Variants in CLCA2 observed in about 807,000 individuals in gnomAD.
CLCA2 encodes the protein calcium-activated chloride channel regulator 2.
In CLCA2, 85 loss-of-function variants were observed where a neutral mutation model predicts 82.9. That is an observed-to-expected ratio of 1.03 (90% CI 0.86 to 1.23). CLCA2 has a LOEUF of 1.23. Among genes scored for constraint, CLCA2 ranks in the 50% most tolerant of loss-of-function variants. The pLI, the probability that CLCA2 is intolerant of heterozygous loss-of-function variation, is 0.00. For missense variants in CLCA2, 1,089 were observed against 1,124.8 expected (o/e 0.97, Z 0.45); for synonymous variants, 421 against 391.7 (o/e 1.07, Z -0.88).
In CLCA2 at chr1:86,453,409, A is replaced by C. The variant is rs377707246; in HGVS notation, c.2196A>C (p.Arg732Ser). 4.3e-6 allele frequency: 7 copies of C among 1,614,012 alleles called. No individual in the cohort carries two copies. In the African/African-American group the frequency reaches 9.3e-5, roughly 22 times the overall value. Reference sequence around the variant, plus strand: ...ATGCTCCAAGGAAATCAGTAGGCAGAAATGAGGAGGAGCGAAAGTGGGGCT... The same window carrying C: ...ATGCTCCAAGGAAATCAGTAGGCAGCAATGAGGAGGAGCGAAAGTGGGGCT... ...QMNAPRKSVG[R>S]NEEERKWGFS... Residue 732 changes from arginine to serine, a missense_variant, in exon 13 of 14, where the codon AGA becomes AGC. Physicochemically the swap from Arg to Ser is moderately radical, Grantham distance 110 (BLOSUM62 -1). Transcript: ENST00000370565.
intron 10 of CLCA2, chr1:86,445,396 G>C (rs1168391757): frequency 9.4e-6 from 1 of 106,204 alleles, no homozygotes; most frequent in East Asian, 2.6e-4. Flanking sequence ...TAGAAGATTC[G>C]CATTTATTCC....
chr1:86,444,758 G>A (rs1662811667), intron 10 of CLCA2, among the ~76,000 whole-genome samples: 2 of 152,098 alleles, frequency 1.3e-5, no homozygotes, highest in African/African-American at 4.8e-5. Context: ...AGTGAACAGG[G>A]GCTTGAATCC....
intron 2 of CLCA2, among the ~76,000 whole-genome samples, chr1:86,427,888 T>G (rs190323156): frequency 6.6e-6 from 1 of 152,288 alleles, no homozygotes; most frequent in Admixed American, 6.5e-5. Flanking sequence ...CTGATCTAAT[T>G]GGTTACAGGA....
chr1:86,446,548 AAAAAAC>A (rs1483342153), intron 10 of CLCA2, among the ~76,000 whole-genome samples: 1 of 152,202 alleles, frequency 6.6e-6, no homozygotes, highest in Non-Finnish European at 1.5e-5. Flanking sequence ...GTTATGATTC[AAAAAAC>A]AAAAACAAAA....
At chr1:86,437,605 G>T (rs1237504025) in intron 6 of CLCA2, among the ~76,000 whole-genome samples, 1 of 152,156 alleles carries the variant, frequency 6.6e-6, no homozygotes, top group Non-Finnish European at 1.5e-5. Context: ...TCAAGGGAAG[G>T]GCATTCATTT....
At chr1:86,432,633 TG>T in intron 5 of CLCA2, 105 bp downstream of exon 5, 1 of 1,308,952 alleles carries the variant, frequency 7.6e-7, no homozygotes, top group Non-Finnish European at 1.0e-6. Flanking sequence ...CTTTAGAACT[TG>T]GGGGACCCTA....
Position 86,453,453 on chromosome 1 carries a change from G to C in CLCA2, c.2240G>C (p.Gly747Ala). ...TGGGGCTTTAGCCGAGTCAGCTCAG[G>C]AGGCTCCTTTTCAGTGCTGGGAGTT... is the stretch of plus-strand genomic sequence containing the variant. ...RKWGFSRVSS[G>A]GSFSVLGVPA... The change falls in exon 13 of 14, where the codon GGA becomes GCA. Residue 747 changes from glycine to alanine, a missense_variant. Physicochemically the swap from Gly to Ala is moderately conservative, Grantham distance 60. Coordinates refer to ENST00000370565, the MANE Select transcript of CLCA2 (RefSeq NM_006536.7). 3 of 1,614,160 alleles carry C rather than the reference G, an allele frequency of 1.9e-6. No individual in the cohort carries two copies. Among genetic ancestry groups the C allele is most frequent in the Non-Finnish European group, 2.5e-6 (3 of 1,180,024 alleles).
chr1:86,455,379 T>A lies in CLCA2; in HGVS notation c.2684T>A (p.Val895Glu). 1.2e-6 allele frequency: 2 copies of A among 1,611,040 alleles called. No individual in the cohort carries two copies. Among genetic ancestry groups the A allele is most frequent in the Non-Finnish European group, 1.7e-6 (2 of 1,179,088 alleles). The change falls in exon 14 of 14, where the codon GTA (valine) becomes GAA (glutamate). Residue 895 changes from valine (V) to glutamate (E), a missense_variant. Physicochemically the swap from Val to Glu is moderately radical, Grantham distance 121 (BLOSUM62 -2). Coordinates refer to ENST00000370565, the MANE Select transcript of CLCA2 (RefSeq NM_006536.7). ...PLFIPPNSDPVPARDYLILKG... is the reference protein window; with the variant it reads ...PLFIPPNSDPEPARDYLILKG... ...TTTATTCCCCCCAATTCTGATCCTG[T>A]ACCTGCCAGAGATTATCTTATATTG... is the stretch of plus-strand genomic sequence containing the variant.
At chr1:86,438,805 T>G (rs1662663106) in intron 6 of CLCA2, 71 bp from the exon 7 acceptor site, 1 of 1,252,988 alleles carries the variant, frequency 8.0e-7, no homozygotes, top group Admixed American at 1.8e-5. Flanking sequence ...GTTTGCTAAT[T>G]GAGTTACTTC....
At chr1:86,433,250 T>C (rs903232436) in intron 5 of CLCA2, among the ~76,000 whole-genome samples, 1 of 152,186 alleles carries the variant, frequency 6.6e-6, no homozygotes, top group Non-Finnish European at 1.5e-5. Context: ...TCAGCCTTCA[T>C]GACCTGATAT....
chr1:86,431,994 G>A (rs1662508779), intron 4 of CLCA2, among the ~76,000 whole-genome samples: 1 of 152,142 alleles, frequency 6.6e-6, no homozygotes, highest in Non-Finnish European at 1.5e-5. Flanking sequence ...GGAGTGCAAT[G>A]GCACGATTTC....
At chr1:86,454,922 G>A (rs1327242274) in intron 13 of CLCA2, among the ~76,000 whole-genome samples, 163 bp from the exon 14 acceptor site, 3 of 150,222 alleles carry the variant, frequency 2.0e-5, no homozygotes, top group Admixed American at 6.6e-5. Context: ...TTTAATATGA[G>A]TCCTTGTGTA....
intron 10 of CLCA2, among the ~76,000 whole-genome samples, chr1:86,444,912 G>GTTGTTC (rs941312957): frequency 2.0e-5 from 3 of 151,730 alleles, no homozygotes; most frequent in African/African-American, 7.3e-5. Context: ...TGTTGTTGTT[G>GTTGTTC]TTGAGATGGA....
chr1:86,432,562 G>A (rs774007813), intron 5 of CLCA2, 34 bp downstream of exon 5: 2 of 1,595,742 alleles, frequency 1.3e-6, no homozygotes, highest in South Asian at 2.3e-5. Context: ...CACTCTTGCA[G>A]GATTCCTTCT....
At chr1:86,432,233 G>A (rs550685394) in intron 4 of CLCA2, 136 bp from the exon 5 acceptor site, 43 of 955,386 alleles carry the variant, frequency 4.5e-5, no homozygotes, top group East Asian at 3.6e-4. Flanking sequence ...ACAGCACCCC[G>A]CCAGTAGAGC....
intron 13 of CLCA2, 25 bp downstream of exon 13, chr1:86,453,627 A>G (rs758600257): frequency 8.2e-6 from 13 of 1,584,380 alleles, no homozygotes; most frequent in East Asian, 6.7e-5. Flanking sequence ...TTCATTACCT[A>G]TTTTTCCATA....
Position 86,455,212 on chromosome 1 carries a change from C to T in CLCA2, c.2517C>T (p.Phe839=), listed in dbSNP as rs146297816. The change falls in exon 14 of 14, where the codon TTC becomes TTT. Residue 839 remains phenylalanine, a synonymous_variant. Coordinates refer to ENST00000370565, the MANE Select transcript of CLCA2 (RefSeq NM_006536.7). ...QQAGIREIFT[F]SPQISTNGPE... ...CTGGCATCAGGGAGATATTTACGTT[C>T]TCACCCCAAATTTCCACGAATGGAC... The T allele has an allele frequency of 6.2e-7, 1 of 1,614,084 alleles. No homozygotes were observed. The highest frequency in any genetic ancestry group is 8.5e-7 in the Non-Finnish European group (1 of 1,179,974).
Position 86,424,415 on chromosome 1 carries a change from C to T in CLCA2, c.168C>T (p.Asn56=), listed in dbSNP as rs776762798. The T allele has an allele frequency of 1.9e-6, 3 of 1,611,204 alleles. No individual in the cohort carries two copies. The highest frequency in any genetic ancestry group is 4.5e-5 in the East Asian group (2 of 44,816). ...AINPQVPENQ[N]LISNIKEMIT... is the part of the protein sequence containing the mutation. ...ATCCTCAGGTACCTGAGAATCAGAA[C>T]CTCATCTCAAACATTAAGGTGAGTG... is the stretch of plus-strand genomic sequence containing the variant. The change falls in exon 1 of 14, where the codon AAC becomes AAT. Residue 56 remains asparagine, a synonymous_variant. Coordinates refer to ENST00000370565, the MANE Select transcript of CLCA2 (RefSeq NM_006536.7).
intron 13 of CLCA2, 144 bp downstream of exon 13, chr1:86,453,746 CAGA>C: frequency 1.4e-6 from 1 of 737,212 alleles, no homozygotes. Context: ...CCTGGAGTCC[CAGA>C]AGGACAGTGT....
Sources: gnomAD v4.1 joint callset for allele counts (sites outside exome capture counted in the v4.1 genomes callset) on GRCh38, gnomAD v4.1.1 for gene constraint, MANE v1.5 for transcripts, NCBI Gene and HGNC (gene_info 2026-07-23, HGNC 2026-07-21) for gene names.